The following BMPR1B variants were observed in gnomAD, a reference collection of about 807,000 sequenced individuals.
The protein encoded by BMPR1B is bone morphogenetic protein receptor type-1B.
A neutral mutation model predicts 59.1 loss-of-function variants in BMPR1B; 12 were observed. That is an observed-to-expected ratio of 0.20 (90% CI 0.13 to 0.33). The LOEUF (loss-of-function observed/expected upper bound fraction) is 0.33. BMPR1B is among the 10% of genes least tolerant of loss of function. BMPR1B has a pLI of 1.00. For synonymous variants in BMPR1B, 237 were observed against 207.3 expected, an observed-to-expected ratio of 1.14 and a Z score of -1.23; for missense variants, 550 against 610.9, an observed-to-expected ratio of 0.90 and a Z score of 1.05.
intron 1 of BMPR1B, among the ~76,000 whole-genome samples, chr4:94,764,987 G>A (rs2457391): frequency 0.015 from 2,287 of 152,230 alleles, 31 homozygotes; most frequent in Non-Finnish European, 0.023. Context: ...AAACGGTGCA[G>A]CAGTAGAGAG....
chr4:94,852,036 T>A (rs1305135707), intron 1 of BMPR1B, among the ~76,000 whole-genome samples: 3 of 151,178 alleles, frequency 2.0e-5, no homozygotes, highest in African/African-American at 7.3e-5. Context: ...TGGTGAAAGA[T>A]AAGAGATTAT....
intron 1 of BMPR1B, among the ~76,000 whole-genome samples, chr4:94,857,404 C>T (rs1186394261): frequency 6.6e-6 from 1 of 151,156 alleles, no homozygotes; most frequent in Non-Finnish European, 1.5e-5. Flanking sequence ...TGAATAGTTA[C>T]ACACATATAG....
chr4:95,120,997 G>A (rs1030390338), intron 6 of BMPR1B, among the ~76,000 whole-genome samples: 1 of 152,060 alleles, frequency 6.6e-6, no homozygotes, highest in East Asian at 1.9e-4. Flanking sequence ...TTGTAGAGAC[G>A]GGGTTTTGCC....
intron 6 of BMPR1B, among the ~76,000 whole-genome samples, chr4:95,118,370 A>G (rs1006716042): frequency 1.4e-4 from 21 of 151,756 alleles, no homozygotes; most frequent in African/African-American, 5.1e-4. Flanking sequence ...TTGAAATTGT[A>G]CTAGATATTT....
chr4:94,912,852 C>T (rs571795490), intron 2 of BMPR1B, among the ~76,000 whole-genome samples: 1 of 151,520 alleles, frequency 6.6e-6, no homozygotes, highest in South Asian at 2.1e-4. Flanking sequence ...AGATACAGAT[C>T]AGAAAATTTA....
Position 95,015,560 on chromosome 4 carries a change from A to T in BMPR1B, c.-18+19426A>T, listed in dbSNP as rs546958605. Among the ~76,000 whole-genome samples the T allele has an allele frequency of 3.3e-5, 5 of 151,972 alleles. No homozygotes were observed. In the East Asian group the frequency reaches 9.7e-4, roughly 29 times the overall value. On this transcript the variant is annotated intron_variant, in intron 3 of 12. Coordinates refer to ENST00000515059, the MANE Select transcript of BMPR1B (RefSeq NM_001203.3). ...ACCACCACACCAGACTCATTTTTTA[A>T]TTTTTTTGTAGAGATAGGGTCTCAC...
At chr4:94,939,414 G>A (rs190700543) in intron 2 of BMPR1B, among the ~76,000 whole-genome samples, 52 of 152,276 alleles carry the variant, frequency 3.4e-4, no homozygotes, top group Admixed American at 7.8e-4. Context: ...TGGGGTCTGT[G>A]ATAATATTAG....
intron 3 of BMPR1B, among the ~76,000 whole-genome samples, chr4:95,021,357 G>C (rs955158597): frequency 7.9e-5 from 12 of 152,156 alleles, no homozygotes; most frequent in African/African-American, 2.7e-4. Flanking sequence ...ACATGGTGTG[G>C]AGTAGCTATA....
At chr4:95,066,368 A>ATTAC (rs202108341) in intron 3 of BMPR1B, among the ~76,000 whole-genome samples, 13,641 of 152,242 alleles carry the variant, frequency 0.09, 674 homozygotes, top group Middle Eastern at 0.17. Context: ...ACTCAGGGCC[A>ATTAC]TGGCCATTAC....
intron 1 of BMPR1B, among the ~76,000 whole-genome samples, chr4:94,847,845 A>T (rs937440365): frequency 6.6e-6 from 1 of 152,164 alleles, no homozygotes; most frequent in African/African-American, 2.4e-5. Context: ...GGCTACAAAA[A>T]TATACAGAAT....
intron 2 of BMPR1B, among the ~76,000 whole-genome samples, chr4:94,893,553 A>G (rs1304400226): frequency 6.6e-6 from 1 of 152,022 alleles, no homozygotes; most frequent in Non-Finnish European, 1.5e-5. Flanking sequence ...CCATGCTAAT[A>G]AAGACTGGCT....
At chr4:94,844,275 CTT>C (rs1725229900) in intron 1 of BMPR1B, among the ~76,000 whole-genome samples, 15 of 24,658 alleles carry the variant, frequency 6.1e-4, no homozygotes, top group Admixed American at 2.6e-3. Flanking sequence ...TAGTTCGACT[CTT>C]CTTCCTCTGT....
chr4:95,014,831 C>T (rs1421851089), intron 3 of BMPR1B, among the ~76,000 whole-genome samples: 1 of 152,126 alleles, frequency 6.6e-6, no homozygotes, highest in Non-Finnish European at 1.5e-5. Flanking sequence ...TTCCCAGTGA[C>T]TGGTGGTTTA....
chr4:94,892,489 T>C (rs1212052075), intron 2 of BMPR1B, among the ~76,000 whole-genome samples: 1 of 152,106 alleles, frequency 6.6e-6, no homozygotes, highest in Non-Finnish European at 1.5e-5. Context: ...CAAGCATTTA[T>C]TGAACACAAG....
At chr4:95,132,626 T>C (rs993915517) in intron 10 of BMPR1B, among the ~76,000 whole-genome samples, 8 of 151,956 alleles carry the variant, frequency 5.3e-5, no homozygotes, top group Admixed American at 2.6e-4. Context: ...GATTTTTTTT[T>C]CCTCTGACCT....
chr4:95,156,042 C>G lies in BMPR1B; in HGVS notation c.*1369C>G, dbSNP rs1310058693. On this transcript the variant is annotated 3_prime_UTR_variant, in exon 13 of 13. Coordinates refer to ENST00000515059, the MANE Select transcript of BMPR1B (RefSeq NM_001203.3). ...CATTTTATTTTATTCTAGTGATGCT[C>G]AATTCACTATTTAATTTATTATATT... The G allele has an allele frequency of 6.6e-6, 1 of 152,074 alleles. No individual in the cohort carries two copies. Among genetic ancestry groups the G allele is most frequent in the Non-Finnish European group, 1.5e-5 (1 of 68,004 alleles). The allele number at this position is 152,074 out of a possible 1,614,324, so 9.4% of individuals were successfully genotyped here.
At chr4:94,878,781 A>G (rs1726843372) in intron 2 of BMPR1B, among the ~76,000 whole-genome samples, 1 of 113,698 alleles carries the variant, frequency 8.8e-6, no homozygotes, top group African/African-American at 3.4e-5. Flanking sequence ...AGGCATTTGT[A>G]TTTCATCTTC....
At chr4:94,982,767 C>T (rs1000983876) in intron 2 of BMPR1B, among the ~76,000 whole-genome samples, 26 of 151,946 alleles carry the variant, frequency 1.7e-4, no homozygotes, top group Non-Finnish European at 3.4e-4. Context: ...CTGAGGCGGG[C>T]GGATCAGGAG....
At chr4:94,866,226 T>G (rs934608185) in intron 1 of BMPR1B, among the ~76,000 whole-genome samples, 4 of 152,170 alleles carry the variant, frequency 2.6e-5, no homozygotes, top group South Asian at 4.1e-4. Context: ...TTCCAATCCT[T>G]TTTCAGAGGA....
Sources: allele counts gnomAD v4.1 joint callset (sites outside exome capture counted in the v4.1 genomes callset), GRCh38; gene constraint gnomAD v4.1.1; transcripts MANE v1.5; gene names NCBI Gene and HGNC (gene_info 2026-07-23, HGNC 2026-07-21).